Variants in PREX2 observed in about 807,000 individuals in gnomAD.
PREX2 encodes phosphatidylinositol 3,4,5-trisphosphate-dependent Rac exchanger 2 protein.
PREX2 carries 107 observed loss-of-function variants against 203.2 expected under a neutral mutation model. The observed-to-expected ratio is 0.53, with a 90% confidence interval of 0.45 to 0.62. The LOEUF is 0.62. PREX2 is among the 20% of genes least tolerant of loss of function. The probability of loss-of-function intolerance (pLI) is 0.00; values close to 1 mark genes in which losing one functional copy is unlikely to be tolerated. For missense variants in PREX2, 1,777 were observed against 1,955.9 expected, an observed-to-expected ratio of 0.91 and a Z score of 1.72; for synonymous variants, 672 against 663.6, an observed-to-expected ratio of 1.01 and a Z score of -0.19.
At chr8:67,995,060 T>C (rs6994037) in intron 1 of PREX2, among the ~76,000 whole-genome samples, 74,733 of 151,850 alleles carry the variant, frequency 0.49, 18,764 homozygotes, top group South Asian at 0.61. Flanking sequence ...ACAGTATTGT[T>C]CTCTACTTTC....
At chr8:67,965,315 T>C (rs1481169791) in intron 1 of PREX2, among the ~76,000 whole-genome samples, 1 of 152,158 alleles carries the variant, frequency 6.6e-6, no homozygotes, top group African/African-American at 2.4e-5. Flanking sequence ...TTAATTTAAG[T>C]CCTCTGGGAT....
intron 34 of PREX2, among the ~76,000 whole-genome samples, chr8:68,148,246 C>CAATA (rs201596974): frequency 2.0e-4 from 30 of 151,830 alleles, no homozygotes; most frequent in African/African-American, 3.6e-4. Context: ...GACTCTGCTT[C>CAATA]AATAAATAAA....
intron 35 of PREX2, among the ~76,000 whole-genome samples, chr8:68,185,343 A>C (rs1328060042): frequency 1.3e-5 from 2 of 152,114 alleles, no homozygotes; most frequent in Non-Finnish European, 2.9e-5. Flanking sequence ...TCTACCTTAC[A>C]TGAACCCAGT....
rs761387340 is a variant in PREX2, at chr8:68,080,531, A to T, written c.1731A>T (p.Arg577=). The T allele has an allele frequency of 1.2e-6, 2 of 1,611,478 alleles. No homozygotes were observed. The change falls in exon 16 of 40, where the codon CGA becomes CGT. Residue 577 remains arginine (R), a synonymous_variant. Coordinates refer to ENST00000288368, the MANE Select transcript of PREX2 (RefSeq NM_024870.4). ...TGGAGGGATCAAATATGAAACATCG[A>T]CTTATGAAACATGACTTAAAAGTTG... ...EEMEGSNMKH[R]LMKHDLKVVE... is the part of the protein sequence containing the mutation.
intron 30 of PREX2, among the ~76,000 whole-genome samples, chr8:68,121,817 G>C (rs1004684101): frequency 6.6e-6 from 1 of 152,116 alleles, no homozygotes; most frequent in Non-Finnish European, 1.5e-5. Flanking sequence ...TAGAGGCCAG[G>C]GATGCTGCTG....
chr8:68,104,607 A>G (rs755156706), intron 23 of PREX2, among the ~76,000 whole-genome samples: 8 of 151,980 alleles, frequency 5.3e-5, no homozygotes, highest in Non-Finnish European at 1.2e-4. Context: ...GAAACTTCCA[A>G]CCCTCTTACA....
chr8:68,026,056 A>G (rs528893087), intron 4 of PREX2, among the ~76,000 whole-genome samples: 7 of 152,224 alleles, frequency 4.6e-5, no homozygotes, highest in South Asian at 4.1e-4. Flanking sequence ...GGAAAATACC[A>G]TATATAGTTT....
chr8:68,063,879 T>C (rs1267998027), intron 11 of PREX2, among the ~76,000 whole-genome samples: 1 of 152,214 alleles, frequency 6.6e-6, no homozygotes, highest in African/African-American at 2.4e-5. Context: ...GAGCCAAATG[T>C]GCTAGTATCA....
rs1295777052 is a variant in PREX2, at chr8:68,120,232, G to T, written c.3541G>T (p.Val1181Phe). 1 of 1,613,818 alleles carries T rather than the reference G, an allele frequency of 6.2e-7. No homozygotes were observed. The highest frequency in any genetic ancestry group is 8.5e-7 in the Non-Finnish European group (1 of 1,179,730). The change falls in exon 29 of 40, where the codon GTT becomes TTT. Residue 1181 changes from valine (V) to phenylalanine (F), a missense_variant. Coordinates refer to ENST00000288368, the MANE Select transcript of PREX2 (RefSeq NM_024870.4). ...SITNLLKGQAVVRAFDQTKYL... is the reference protein window; with the variant it reads ...SITNLLKGQAFVRAFDQTKYL... ...TACCAATCTCCTAAAAGGGCAGGCT[G>T]TTGTGAGGGCCTTTGACCAAACCAA...
rs373322617 is a variant in PREX2 at position 68,231,430 on chromosome 8, A to G, written c.*52A>G. 1.4e-6 allele frequency: 2 copies of G among 1,469,144 alleles called. No individual in the cohort carries two copies. The highest frequency in any genetic ancestry group is 2.8e-5 in the African/African-American group (2 of 70,358). The allele number at this position is 1,469,144 out of a possible 1,614,324, so 91.0% of individuals were successfully genotyped here. A position where few individuals can be genotyped will look rare whatever the true frequency, so the allele number is the denominator to read the frequency against. On this transcript the variant is annotated 3_prime_UTR_variant, in exon 40 of 40. Coordinates refer to ENST00000288368, the MANE Select transcript of PREX2 (RefSeq NM_024870.4). ...CAGAAGCTCCTGAATGCTGGACTAGACAAACTACATGCTGGCTAAACATTC... is the reference window on the plus strand; with the variant it reads ...CAGAAGCTCCTGAATGCTGGACTAGGCAAACTACATGCTGGCTAAACATTC...
chr8:68,061,737 G>A (rs1295359546), intron 11 of PREX2, among the ~76,000 whole-genome samples: 3 of 152,220 alleles, frequency 2.0e-5, no homozygotes, highest in Admixed American at 1.3e-4. Context: ...GACCGTGTAG[G>A]CCAGCCAGTG....
intron 31 of PREX2, among the ~76,000 whole-genome samples, chr8:68,129,738 G>GT (rs1329447521): frequency 6.6e-6 from 1 of 152,078 alleles, no homozygotes; most frequent in Non-Finnish European, 1.5e-5. Context: ...TAGAAGATGA[G>GT]TTTAAATAGG....
At chr8:68,030,913 A>C (rs1328559387) in intron 6 of PREX2, among the ~76,000 whole-genome samples, 1 of 152,124 alleles carries the variant, frequency 6.6e-6, no homozygotes, top group Admixed American at 6.6e-5. Context: ...AAGCTTTAAT[A>C]TTTTAGCATT....
In PREX2 at chr8:68,077,618, C is replaced by A. The variant is rs193263921; in HGVS notation, c.1642+149C>A. ...GCCATGGGTTCAGGTTGGGTCACCA[C>A]AACTGCATTCAGTTTTACTGCTGGT... On this transcript the variant is annotated intron_variant, in intron 15 of 39. Coordinates refer to ENST00000288368, the MANE Select transcript of PREX2 (RefSeq NM_024870.4). The A allele has an allele frequency of 3.7e-4, 244 of 657,254 alleles. 1 individual carries two copies. In the African/African-American group the frequency reaches 4.0e-3, roughly 11 times the overall value. The allele number at this position is 657,254 out of a possible 1,614,324, so 40.7% of individuals were successfully genotyped here.
intron 30 of PREX2, among the ~76,000 whole-genome samples, chr8:68,125,625 T>A (rs1207105940): frequency 6.6e-6 from 1 of 152,144 alleles, no homozygotes; most frequent in Non-Finnish European, 1.5e-5. Flanking sequence ...AGGTAAGTTA[T>A]GGCCTCATAT....
intron 1 of PREX2, among the ~76,000 whole-genome samples, chr8:67,983,505 C>T (rs1806329052): frequency 6.6e-6 from 1 of 152,134 alleles, no homozygotes; most frequent in Non-Finnish European, 1.5e-5. Context: ...CAGATAAGTT[C>T]CCAACTGTGC....
rs779309563 is a variant in PREX2, at chr8:68,038,177, A to T, written c.724A>T (p.Thr242Ser). ...EGWEGSNITDTCTEMLMCGVL... is the reference protein window; with the variant it reads ...EGWEGSNITDSCTEMLMCGVL... ...GACTTAGGGGTCCAACATCACTGAC[A>T]CCTGCACTGAAATGCTAATGTGTGG... is the stretch of plus-strand genomic sequence containing the variant. The change falls in exon 7 of 40, where the codon ACC (threonine) becomes TCC (serine). Residue 242 changes from threonine to serine, a missense_variant. By Grantham distance (58) the Thr-to-Ser change is moderately conservative. Coordinates refer to ENST00000288368, the MANE Select transcript of PREX2 (RefSeq NM_024870.4). 2.5e-6 allele frequency: 4 copies of T among 1,613,698 alleles called. No homozygotes were observed. The African/African-American group carries it at 4.0e-5, about 16-fold the overall frequency.
At chr8:67,972,900 A>C (rs1169035371) in intron 1 of PREX2, among the ~76,000 whole-genome samples, 1 of 152,122 alleles carries the variant, frequency 6.6e-6, no homozygotes, top group Admixed American at 6.6e-5. Context: ...TTTTGCCTCA[A>C]ACTCAACATG....
chr8:67,996,542 T>C (rs1806771652), intron 1 of PREX2, among the ~76,000 whole-genome samples: 1 of 152,124 alleles, frequency 6.6e-6, no homozygotes. Context: ...CATAAGGGCC[T>C]TTTGTCAGGT....
Sources: allele counts gnomAD v4.1 joint callset (sites outside exome capture counted in the v4.1 genomes callset), GRCh38; gene constraint gnomAD v4.1.1; transcripts MANE v1.5; gene names NCBI Gene and HGNC (gene_info 2026-07-23, HGNC 2026-07-21).